Variants in BMP2K observed in about 807,000 individuals in gnomAD.
BMP2K encodes the protein BMP-2-inducible protein kinase.
In BMP2K, 74 loss-of-function variants were observed where a neutral mutation model predicts 116.0. The observed-to-expected ratio is 0.64, with a 90% CI of 0.53 to 0.77. The LOEUF (loss-of-function observed/expected upper bound fraction) is 0.77, where lower values mean the gene tolerates loss of function less well. Ranked by LOEUF, BMP2K falls within the 30% of genes least tolerant of loss-of-function variation. BMP2K has a pLI of 0.00. For synonymous variants in BMP2K, 486 were observed against 502.5 expected (o/e 0.97, Z 0.44); for missense variants, 1,365 against 1,403.6 (o/e 0.97, Z 0.44).
chr4:78,854,079 T>C (rs886135237), intron 7 of BMP2K, among the ~76,000 whole-genome samples: 1 of 151,640 alleles, frequency 6.6e-6, no homozygotes, highest in Non-Finnish European at 1.5e-5. Flanking sequence ...TATTCCAGAA[T>C]ATACTGTTAA....
intron 15 of BMP2K, among the ~76,000 whole-genome samples, chr4:78,900,930 C>T (rs1156468702): frequency 1.3e-5 from 2 of 151,312 alleles, no homozygotes; most frequent in Non-Finnish European, 2.9e-5. Flanking sequence ...GGTTATAAAA[C>T]TGATGTTAGT....
chr4:78,910,626 A>G lies in BMP2K; in HGVS notation c.2079A>G (p.Lys693=). The G allele has an allele frequency of 1.3e-6, 2 of 1,539,382 alleles. No homozygotes were observed. Among genetic ancestry groups the G allele is most frequent in the South Asian group, 2.6e-5 (2 of 77,522 alleles). Residue 693 remains lysine (K), a synonymous_variant, in exon 16 of 16, where the codon AAA becomes AAG. Coordinates refer to ENST00000502613, the MANE Select transcript of BMP2K (RefSeq NM_198892.2). ...AACTTGCAGGTTCTCCTGAAAAGAAAGCTGAACATTCATCTATAAATCAAG... is the reference window on the plus strand; with the variant it reads ...AACTTGCAGGTTCTCCTGAAAAGAAGGCTGAACATTCATCTATAAATCAAG... ...FISHSGSPEK[K]AEHSSINQEN... is the part of the protein sequence containing the mutation.
At chr4:78,803,784 G>A (rs1337613545) in intron 1 of BMP2K, among the ~76,000 whole-genome samples, 1 of 152,132 alleles carries the variant, frequency 6.6e-6, no homozygotes. Context: ...CTAATCTCCT[G>A]TAGGGTGAGT....
intron 15 of BMP2K, among the ~76,000 whole-genome samples, chr4:78,889,680 G>T (rs1037256631): frequency 4.6e-5 from 7 of 152,120 alleles, no homozygotes; most frequent in Non-Finnish European, 8.8e-5. Context: ...GACTGAAAAA[G>T]CATCTGGAGA....
At chr4:78,878,580 C>T (rs1018259962) in intron 13 of BMP2K, among the ~76,000 whole-genome samples, 154 bp from the exon 14 acceptor site, 1 of 152,062 alleles carries the variant, frequency 6.6e-6, no homozygotes, top group Non-Finnish European at 1.5e-5. Flanking sequence ...ATATGTTCTC[C>T]CTCTCCATCT....
At chr4:78,897,940 G>C (rs1281085632) in intron 15 of BMP2K, among the ~76,000 whole-genome samples, 1 of 152,192 alleles carries the variant, frequency 6.6e-6, no homozygotes, top group Non-Finnish European at 1.5e-5. Flanking sequence ...TGCTACAATA[G>C]ATAAATTATT....
intron 3 of BMP2K, among the ~76,000 whole-genome samples, chr4:78,834,955 CTT>C (rs1730397632): frequency 6.6e-6 from 1 of 152,126 alleles, no homozygotes; most frequent in African/African-American, 2.4e-5. Flanking sequence ...ACTGTGATCT[CTT>C]TTAGGAGAAG....
intron 7 of BMP2K, among the ~76,000 whole-genome samples, chr4:78,857,656 A>C (rs1731566577): frequency 6.6e-6 from 1 of 152,080 alleles, no homozygotes; most frequent in Non-Finnish European, 1.5e-5. Flanking sequence ...CATTTAGGCC[A>C]CTAGTCCATA....
rs937759817 is a variant in BMP2K, at chr4:78,826,900, C to G, written c.297+745C>G. Among the ~76,000 whole-genome samples, 8 of 152,154 alleles carry G rather than the reference C, an allele frequency of 5.3e-5. No homozygotes were observed. In the East Asian group the frequency reaches 1.5e-3, roughly 29 times the overall value. On this transcript the variant is annotated intron_variant, in intron 2 of 15. Coordinates refer to ENST00000502613, the MANE Select transcript of BMP2K (RefSeq NM_198892.2). ...AAGAAATTAAACCCTACAAATACTG[C>G]TGGAGCCTTCTTTGTGTGCCTTCTC... is the stretch of plus-strand genomic sequence containing the variant.
intron 1 of BMP2K, among the ~76,000 whole-genome samples, chr4:78,790,961 A>C (rs904330225): frequency 6.6e-6 from 1 of 152,164 alleles, no homozygotes; most frequent in Non-Finnish European, 1.5e-5. Context: ...CCAACTTTAG[A>C]TAGAGGCTGA....
chr4:78,821,622 T>C (rs2109991037), intron 1 of BMP2K, among the ~76,000 whole-genome samples: 1 of 152,298 alleles, frequency 6.6e-6, no homozygotes, highest in South Asian at 2.1e-4. Flanking sequence ...AGTGTTGGCC[T>C]GGCTGTGGGG....
Position 78,776,391 on chromosome 4 carries a change from G to C in BMP2K, c.-153G>C. ...CGGAGCGGGCGGCGGGGCCCAGGCT[G>C]TGCGCTTGGGGAGCGCGGAATGTGA... On this transcript the variant is annotated 5_prime_UTR_variant, in exon 1 of 16. Transcript: ENST00000502613. The C allele has an allele frequency of 1.3e-6, 1 of 758,708 alleles. No individual in the cohort carries two copies. Among genetic ancestry groups the C allele is most frequent in the Non-Finnish European group, 1.7e-6 (1 of 601,372 alleles). 47.0% of individuals were successfully genotyped at this position (758,708 alleles called of 1,614,324 possible). A position where few individuals can be genotyped will look rare whatever the true frequency, so the allele number is the denominator to read the frequency against.
chr4:78,805,080 T>TTTTTGTATATTGTATATAGTTTTGTATA (rs1283013386), intron 1 of BMP2K, among the ~76,000 whole-genome samples: 1 of 152,214 alleles, frequency 6.6e-6, no homozygotes, highest in Non-Finnish European at 1.5e-5. Context: ...CTGGAGTTAG[T>TTTTTGTATATTGTATATAGTTTTGTATA]TTTTGTATAT....
chr4:78,784,804 C>A (rs1014022184), intron 1 of BMP2K, among the ~76,000 whole-genome samples: 2 of 152,160 alleles, frequency 1.3e-5, no homozygotes, highest in Non-Finnish European at 2.9e-5. Flanking sequence ...CCCTGTTCTG[C>A]CTCTAACTTG....
rs561147735 is a variant in BMP2K, at chr4:78,826,255, G to T, written c.297+100G>T. 5.8e-6 allele frequency: 5 copies of T among 863,364 alleles called. 1 individual carries two copies. The highest frequency in any genetic ancestry group is 4.0e-5 in the Admixed American group (2 of 49,866). 53.5% of individuals were successfully genotyped at this position (863,364 alleles called of 1,614,324 possible). On this transcript the variant is annotated intron_variant, in intron 2 of 15. Coordinates refer to ENST00000502613, the MANE Select transcript of BMP2K (RefSeq NM_198892.2). ...TGGAGTGGCACGCCCAGGCTGGAGC[G>T]CAGTGGCGTGATCTCAGCTCGCTGC... is the stretch of plus-strand genomic sequence containing the variant.
chr4:78,834,304 C>T (rs1157966271), intron 3 of BMP2K, among the ~76,000 whole-genome samples: 3 of 151,532 alleles, frequency 2.0e-5, no homozygotes, highest in African/African-American at 7.3e-5. Flanking sequence ...CTCTGTCGCC[C>T]AGGCTAGAGT....
chr4:78,858,282 T>C (rs1253361234), intron 7 of BMP2K, among the ~76,000 whole-genome samples: 1 of 152,000 alleles, frequency 6.6e-6, no homozygotes, highest in Non-Finnish European at 1.5e-5. Context: ...TTAATATCTG[T>C]TGGTATCAAG....
Position 78,842,368 on chromosome 4 carries a change from A to T in BMP2K, c.404-17A>T. On this transcript the variant is annotated splice_polypyrimidine_tract_variant and intron_variant, in intron 3 of 15. Coordinates refer to ENST00000502613, the MANE Select transcript of BMP2K (RefSeq NM_198892.2). ...TTTATTAAAAATATGTCCTCTCAAA[A>T]TTACTTTTTTGGTTAGCTGGACAGG... 6.4e-7 allele frequency: 1 copy of T among 1,572,806 alleles called. No homozygotes were observed. The highest frequency in any genetic ancestry group is 8.7e-7 in the Non-Finnish European group (1 of 1,151,534).
chr4:78,778,218 A>G (rs1409427471), intron 1 of BMP2K, among the ~76,000 whole-genome samples: 2 of 152,240 alleles, frequency 1.3e-5, no homozygotes, highest in Non-Finnish European at 2.9e-5. Flanking sequence ...TTTAATAGAA[A>G]AAAAATACTG....
Sources: gnomAD v4.1 joint callset for allele counts (sites outside exome capture counted in the v4.1 genomes callset) on GRCh38, gnomAD v4.1.1 for gene constraint, MANE v1.5 for transcripts, NCBI Gene and HGNC (gene_info 2026-07-23, HGNC 2026-07-21) for gene names.